The following MCF2L2 variants were observed in gnomAD, a reference collection of about 807,000 sequenced individuals.
The protein encoded by MCF2L2 is probable guanine nucleotide exchange factor MCF2L2.
MCF2L2 carries 102 observed loss-of-function variants against 150.2 expected under a neutral mutation model. That is an observed-to-expected ratio of 0.68 (90% CI 0.58 to 0.80). The LOEUF (loss-of-function observed/expected upper bound fraction) is 0.80, where lower values mean the gene tolerates loss of function less well. Ranked by LOEUF, MCF2L2 falls within the 30% of genes least tolerant of loss-of-function variation. MCF2L2 has a pLI of 0.00. For missense variants in MCF2L2, 1,256 were observed against 1,372.8 expected (o/e 0.91, Z 1.34); for synonymous variants, 465 against 491.3 (o/e 0.95, Z 0.71).
rs890481068 is a variant in MCF2L2, at chr3:183,326,492, C to CAAAAAAAAAAAA, written c.487-3153_487-3142dup. Among the ~76,000 whole-genome samples, 237 of 39,102 alleles carry CAAAAAAAAAAAA rather than the reference C, an allele frequency of 6.1e-3. 1 individual carries two copies. The highest frequency in any genetic ancestry group is 7.7e-3 in the Non-Finnish European group (163 of 21,304). 25.7% of individuals were successfully genotyped at this position (39,102 alleles called of 152,430 possible). On this transcript the variant is annotated intron_variant, in intron 5 of 29. Transcript: ENST00000328913. ...AGGCAATGAGAGTGAAACTCCGTCT[C>CAAAAAAAAAAAA]AAAAAAAAAAAAAAAAAAAAAAAAC...
chr3:183,243,122 C>T (rs1724103576), intron 15 of MCF2L2, among the ~76,000 whole-genome samples: 1 of 152,194 alleles, frequency 6.6e-6, no homozygotes, highest in African/African-American at 2.4e-5. Flanking sequence ...ATTTTACAGG[C>T]ACATAGGTGG....
chr3:183,214,990 G>A (rs1016371495), intron 22 of MCF2L2, among the ~76,000 whole-genome samples: 2 of 152,002 alleles, frequency 1.3e-5, no homozygotes, highest in African/African-American at 2.4e-5. Flanking sequence ...GCAAGACTCT[G>A]TCTCAAAAAC....
chr3:183,184,000 C>CTGTTT (rs574651965), intron 27 of MCF2L2, among the ~76,000 whole-genome samples: 2 of 152,032 alleles, frequency 1.3e-5, no homozygotes, highest in African/African-American at 4.8e-5. Flanking sequence ...TATAGCAAAA[C>CTGTTT]TGTTTTGTTT....
At chr3:183,296,579 T>C (rs999722120) in intron 12 of MCF2L2, 1 of 163,352 alleles carries the variant, frequency 6.1e-6, no homozygotes, top group Non-Finnish European at 1.3e-5. Flanking sequence ...TGACCCTGCA[T>C]CCCTCCTTGA....
chr3:183,270,909 TAC>T lies in MCF2L2; in HGVS notation c.1862+5961_1862+5962del. ...TTGTAAAATTAGCTATGTGGACACATACCCTTGTAGGGCTGCGTTTATCTAAT... is the reference window on the plus strand; with the variant it reads ...TTGTAAAATTAGCTATGTGGACACATCCTTGTAGGGCTGCGTTTATCTAAT... On this transcript the variant is annotated intron_variant, in intron 15 of 29. Coordinates refer to ENST00000328913, the MANE Select transcript of MCF2L2 (RefSeq NM_015078.4). This position sits in a 1 kb window ranked among gnomAD's most constrained non-coding sequence, Gnocchi z 4.5. 1 of 1,600,910 alleles carries T rather than the reference TAC, an allele frequency of 6.2e-7. No individual in the cohort carries two copies. The highest frequency in any genetic ancestry group is 8.5e-7 in the Non-Finnish European group (1 of 1,174,370).
chr3:183,313,757 T>C (rs1729482658), intron 7 of MCF2L2, among the ~76,000 whole-genome samples: 1 of 152,202 alleles, frequency 6.6e-6, no homozygotes. Flanking sequence ...AAGTTCATGC[T>C]CCCTTTCGGA....
chr3:183,393,606 T>C (rs1440430309), intron 1 of MCF2L2, among the ~76,000 whole-genome samples: 3 of 152,232 alleles, frequency 2.0e-5, no homozygotes, highest in African/African-American at 7.2e-5. Context: ...CTCTTTTCTA[T>C]CCTTGATAAG....
intron 15 of MCF2L2, among the ~76,000 whole-genome samples, chr3:183,276,486 G>A (rs1218586140): frequency 6.6e-6 from 1 of 152,188 alleles, no homozygotes; most frequent in Non-Finnish European, 1.5e-5. Flanking sequence ...CATTTCTGAG[G>A]ATGCAAACAC....
chr3:183,408,475 C>T (rs879321853), intron 1 of MCF2L2, among the ~76,000 whole-genome samples: 13 of 152,204 alleles, frequency 8.5e-5, no homozygotes, highest in Non-Finnish European at 1.8e-4. Context: ...TGGCCTGGTT[C>T]TGGCCCCTAG....
Position 183,197,232 on chromosome 3 carries a change from G to T in MCF2L2, c.2885-1977C>A, listed in dbSNP as rs935213198. Reference sequence around the variant, plus strand: ...AACTACCTCATTTTAAGACTTATTAGAAAGCAGCAGTAACCAAGATAGTGA... The same window carrying T: ...AACTACCTCATTTTAAGACTTATTATAAAGCAGCAGTAACCAAGATAGTGA... On this transcript the variant is annotated intron_variant, in intron 25 of 29. Transcript: ENST00000328913. This position sits in a 1 kb window ranked among gnomAD's most constrained non-coding sequence, Gnocchi z 4.5. Among the ~76,000 whole-genome samples, 6 of 152,186 alleles carry T rather than the reference G, an allele frequency of 3.9e-5. No homozygotes were observed. The highest frequency in any genetic ancestry group is 1.4e-4 in the African/African-American group (6 of 41,452).
Position 183,311,789 on chromosome 3 carries a change from G to A in MCF2L2, c.754-17C>T, listed in dbSNP as rs1271403368. The A allele has an allele frequency of 3.1e-6, 5 of 1,612,390 alleles. No homozygotes were observed. The Admixed American group carries it at 5.0e-5, about 16-fold the overall frequency. ...CAGCTCATCCTAGAAAATAAAAGTA[G>A]TCTCTCTTAGAACGAATTAGAAAAA... On this transcript the variant is annotated splice_polypyrimidine_tract_variant and intron_variant, in intron 7 of 29. Coordinates refer to ENST00000328913, the MANE Select transcript of MCF2L2 (RefSeq NM_015078.4).
chr3:183,265,408 C>T (rs999775215), intron 15 of MCF2L2: 4 of 152,390 alleles, frequency 2.6e-5, no homozygotes, highest in Non-Finnish European at 5.9e-5. Context: ...GATCGGCAGG[C>T]TTGTGGGCTT....
intron 5 of MCF2L2, among the ~76,000 whole-genome samples, chr3:183,336,517 G>GATAA (rs1328743815): frequency 6.6e-6 from 1 of 151,980 alleles, no homozygotes; most frequent in African/African-American, 2.4e-5. Flanking sequence ...AATTCATTTT[G>GATAA]ATAAATGTAT....
intron 18 of MCF2L2, 145 bp from the exon 19 acceptor site, chr3:183,224,335 G>A: frequency 5.0e-6 from 3 of 603,600 alleles, no homozygotes; most frequent in Admixed American, 2.8e-5. Context: ...ATCTTATGTT[G>A]GGATGTGTGT....
intron 1 of MCF2L2, among the ~76,000 whole-genome samples, chr3:183,419,246 T>C (rs1715753013): frequency 6.6e-6 from 1 of 152,234 alleles, no homozygotes. Flanking sequence ...CACAGAGCAG[T>C]GGACCCCTGG....
At chr3:183,400,518 C>T (rs534690375) in intron 1 of MCF2L2, 15 of 455,804 alleles carry the variant, frequency 3.3e-5, no homozygotes, top group African/African-American at 2.6e-4. Flanking sequence ...GGCGCCACCT[C>T]GCTCGCTCTC....
chr3:183,390,642 T>G (rs555424502), intron 1 of MCF2L2, among the ~76,000 whole-genome samples: 3 of 152,286 alleles, frequency 2.0e-5, no homozygotes, highest in South Asian at 4.1e-4. Flanking sequence ...AAGAATAAAC[T>G]GGTGGCTGGG....
At chr3:183,254,098 C>G (rs1000612932) in intron 15 of MCF2L2, 1 of 151,874 alleles carries the variant, frequency 6.6e-6, no homozygotes, top group African/African-American at 2.4e-5. Context: ...CCTCCTCGGC[C>G]GAGCGGCTCG....
intron 5 of MCF2L2, among the ~76,000 whole-genome samples, chr3:183,333,643 TTAAA>T (rs1730354188): frequency 6.6e-6 from 1 of 152,182 alleles, no homozygotes; most frequent in South Asian, 2.1e-4. Flanking sequence ...TTACCCTCAC[TTAAA>T]TATACATCTT....
Sources: gnomAD v4.1 joint callset for allele counts (sites outside exome capture counted in the v4.1 genomes callset) on GRCh38, gnomAD v4.1.1 for gene constraint, Gnocchi (gnomAD v3.1) non-coding constraint, MANE v1.5 for transcripts, NCBI Gene and HGNC (gene_info 2026-07-23, HGNC 2026-07-21) for gene names.